CACNA2D1: variants seen among roughly 807,000 people sequenced by gnomAD.
The protein encoded by CACNA2D1 is calcium voltage-gated channel auxiliary subunit alpha2delta 1, also known as voltage-dependent calcium channel subunit alpha-2/delta-1.
Under a neutral mutation model 171.5 loss-of-function variants are expected in CACNA2D1, and 53 were observed. The ratio of observed to expected loss-of-function variants is 0.31; its 90% CI spans 0.25 to 0.39. The LOEUF is 0.39. Ranked by LOEUF, CACNA2D1 falls within the 10% of genes least tolerant of loss-of-function variation. The pLI is 1.00. For synonymous variants in CACNA2D1, 442 were observed against 443.1 expected (o/e 1.00, Z 0.03); for missense variants, 903 against 1,299.8 (o/e 0.69, Z 4.69).
At chr7:81,996,250 A>G (rs1201654528) in intron 19 of CACNA2D1, among the ~76,000 whole-genome samples, 1 of 152,192 alleles carries the variant, frequency 6.6e-6, no homozygotes, top group East Asian at 1.9e-4. Context: ...CCAGACACCA[A>G]GCTTGTCCCC....
rs1284874303 is a variant in CACNA2D1, at chr7:82,142,060, T to C, written c.355-5384A>G. ...GTTTCACACTCAAATACACAGGTTT[T>C]CAGTGGATTTCAAGGCATTATGTGC... On this transcript the variant is annotated intron_variant, in intron 4 of 38. Transcript: ENST00000356860. 4.6e-5 allele frequency among the ~76,000 whole-genome samples: 7 copies of C among 152,288 alleles called. 1 individual carries two copies. Among genetic ancestry groups the C allele is most frequent in the Admixed American group, 4.6e-4 (7 of 15,296 alleles).
chr7:82,136,526 G>T, intron 5 of CACNA2D1, 109 bp downstream of exon 5: 1 of 784,088 alleles, frequency 1.3e-6, no homozygotes, highest in Non-Finnish European at 2.1e-6. Context: ...TGCTCATGCA[G>T]TCTAACATTG....
chr7:82,411,458 T>C (rs936607858), intron 1 of CACNA2D1, among the ~76,000 whole-genome samples: 4 of 152,180 alleles, frequency 2.6e-5, no homozygotes, highest in African/African-American at 7.2e-5. Context: ...CTGCTTGGTA[T>C]CTAGTACTCA....
At chr7:82,379,957 G>T (rs540136360) in intron 1 of CACNA2D1, among the ~76,000 whole-genome samples, 1 of 151,816 alleles carries the variant, frequency 6.6e-6, no homozygotes, top group East Asian at 1.9e-4. Context: ...ACTATCCATA[G>T]GCTTTAGGCA....
chr7:82,044,486 CCTGA>C (rs1266471537), intron 10 of CACNA2D1, among the ~76,000 whole-genome samples: 2 of 152,070 alleles, frequency 1.3e-5, no homozygotes, highest in Non-Finnish European at 2.9e-5. Context: ...CAAATCCAGA[CCTGA>C]CTGCTTTGGA....
intron 4 of CACNA2D1, among the ~76,000 whole-genome samples, chr7:82,149,881 C>T (rs1427490313): frequency 6.6e-6 from 1 of 151,842 alleles, no homozygotes; most frequent in East Asian, 1.9e-4. Context: ...GGCGTGAACC[C>T]GGGAGGCGGA....
intron 1 of CACNA2D1, among the ~76,000 whole-genome samples, chr7:82,409,671 G>A (rs868811711): frequency 3.9e-5 from 6 of 152,112 alleles, no homozygotes; most frequent in East Asian, 1.9e-4. Context: ...TGTACCTCTC[G>A]TAATTCCAAT....
chr7:82,238,520 A>G (rs1273404333), intron 3 of CACNA2D1, among the ~76,000 whole-genome samples: 2 of 152,100 alleles, frequency 1.3e-5, no homozygotes, highest in Non-Finnish European at 2.9e-5. Flanking sequence ...GCAAACCAAA[A>G]CTACAATGAG....
chr7:82,206,263 G>T (rs558152682), intron 3 of CACNA2D1, among the ~76,000 whole-genome samples: 1 of 151,818 alleles, frequency 6.6e-6, no homozygotes, highest in South Asian at 2.1e-4. Context: ...ATATATATTT[G>T]TCGTTGTTGT....
intron 4 of CACNA2D1, among the ~76,000 whole-genome samples, chr7:82,150,705 C>T (rs1028107566): frequency 6.6e-6 from 1 of 152,094 alleles, no homozygotes; most frequent in Non-Finnish European, 1.5e-5. Context: ...TTGCTGCTCT[C>T]TTTCATTAAT....
At chr7:82,351,188 A>T (rs1422734087) in intron 1 of CACNA2D1, among the ~76,000 whole-genome samples, 3 of 152,190 alleles carry the variant, frequency 2.0e-5, no homozygotes, top group East Asian at 3.9e-4. Flanking sequence ...TAATTTCAAT[A>T]ATGGAGATTT....
At chr7:82,144,745 G>A (rs182844862) in intron 4 of CACNA2D1, among the ~76,000 whole-genome samples, 1 of 151,958 alleles carries the variant, frequency 6.6e-6, no homozygotes, top group African/African-American at 2.4e-5. Flanking sequence ...TTTTTAAAAT[G>A]ATGGATCAAT....
At chr7:82,080,138 C>T (rs1286041616) in intron 7 of CACNA2D1, among the ~76,000 whole-genome samples, 2 of 76,622 alleles carry the variant, frequency 2.6e-5, no homozygotes, top group African/African-American at 5.6e-5. Context: ...TATATATATA[C>T]ACACCTATAT....
chr7:82,396,939 T>G (rs1453310766), intron 1 of CACNA2D1, among the ~76,000 whole-genome samples: 1 of 152,198 alleles, frequency 6.6e-6, no homozygotes, highest in Non-Finnish European at 1.5e-5. Context: ...GAGATTAAAG[T>G]CCAGTCACAT....
intron 3 of CACNA2D1, among the ~76,000 whole-genome samples, chr7:82,248,462 T>C (rs553407666): frequency 4.6e-5 from 7 of 152,206 alleles, no homozygotes; most frequent in African/African-American, 1.7e-4. Flanking sequence ...TCATAGTCAT[T>C]TAAAAGAGGA....
intron 3 of CACNA2D1, among the ~76,000 whole-genome samples, chr7:82,309,665 G>A (rs151060207): frequency 4.6e-4 from 70 of 152,212 alleles, no homozygotes; most frequent in African/African-American, 1.5e-3. Flanking sequence ...CTTTGGTTTT[G>A]AGCCTCTGGA....
chr7:82,367,984 G>T (rs1306692753), intron 1 of CACNA2D1, among the ~76,000 whole-genome samples: 1 of 151,950 alleles, frequency 6.6e-6, no homozygotes, highest in East Asian at 1.9e-4. Context: ...AAAATAAAAG[G>T]ATCACTGTTT....
At chr7:82,441,450 A>C (rs771959812) in intron 1 of CACNA2D1, among the ~76,000 whole-genome samples, 27 of 152,204 alleles carry the variant, frequency 1.8e-4, no homozygotes, top group Non-Finnish European at 3.8e-4. Context: ...AAAATTTCAG[A>C]TCCTTCCAAA....
Position 81,997,539 on chromosome 7 carries a change from T to C in CACNA2D1, c.1591-289A>G, listed in dbSNP as rs37111. The stretch of plus-strand genomic sequence containing the variant: ...TTCACAAGCTCTTTGGGCACATCAC[T>C]TTTGAAGAACCATTCACAACTTTCT... On this transcript the variant is annotated intron_variant, in intron 18 of 38. Coordinates refer to ENST00000356860, the MANE Select transcript of CACNA2D1 (RefSeq NM_000722.4). Among the ~76,000 whole-genome samples the C allele has an allele frequency of 0.039, 5,938 of 151,704 alleles. 362 individuals carry two copies. The highest frequency in any genetic ancestry group is 0.13 in the African/African-American group (5,355 of 41,414).
Sources: gnomAD v4.1 joint callset for allele counts (sites outside exome capture counted in the v4.1 genomes callset) on GRCh38, gnomAD v4.1.1 for gene constraint, MANE v1.5 for transcripts, NCBI Gene and HGNC (gene_info 2026-07-23, HGNC 2026-07-21) for gene names.